Variants in ANKRD40 observed in about 807,000 individuals in gnomAD.
The protein encoded by ANKRD40 is ankyrin repeat domain-containing protein 40.
A neutral mutation model predicts 35.5 loss-of-function variants in ANKRD40; 24 were observed. That is an observed-to-expected ratio of 0.68 (90% CI 0.49 to 0.95). The LOEUF is 0.95. Ranked by LOEUF, ANKRD40 falls within the 40% of genes least tolerant of loss-of-function variation. ANKRD40 has a pLI of 0.00. For synonymous variants in ANKRD40, 147 were observed against 173.5 expected (o/e 0.85, Z 1.20); for missense variants, 361 against 436.0 (o/e 0.83, Z 1.53).
Position 50,707,681 on chromosome 17 carries a change from A to AGGCCCGCCTGCCCC in ANKRD40, c.-41_-28dup. On this transcript the variant is annotated 5_prime_UTR_variant, in exon 1 of 5. Coordinates refer to ENST00000285243, the MANE Select transcript of ANKRD40 (RefSeq NM_052855.4). This position sits in a 1 kb window ranked among gnomAD's most constrained non-coding sequence, Gnocchi z 4.8. Reference sequence around the variant, plus strand: ...TTCCCACAGCCCCAGGCCCCCGCCCAGGCCCGCCTGCCCCGCCCCGCCCGG... The same window carrying AGGCCCGCCTGCCCC: ...TTCCCACAGCCCCAGGCCCCCGCCCAGGCCCGCCTGCCCCGGCCCGCCTGCCCCGCCCCGCCCGG... 7.0e-7 allele frequency: 1 copy of AGGCCCGCCTGCCCC among 1,432,624 alleles called. No individual in the cohort carries two copies. Among genetic ancestry groups the AGGCCCGCCTGCCCC allele is most frequent in the East Asian group, 2.9e-5 (1 of 33,950 alleles). 88.7% of individuals were successfully genotyped at this position (1,432,624 alleles called of 1,614,324 possible). A position where few individuals can be genotyped will look rare whatever the true frequency, so the allele number is the denominator to read the frequency against.
rs753958189 is a variant in ANKRD40 at position 50,696,993 on chromosome 17, T to C, written c.907A>G (p.Asn303Asp). The C allele has an allele frequency of 1.2e-6, 2 of 1,613,932 alleles. No homozygotes were observed. The highest frequency in any genetic ancestry group is 2.2e-5 in the East Asian group (1 of 44,888). The change falls in exon 4 of 5, where the codon AAT becomes GAT. Residue 303 changes from asparagine (N) to aspartate (D), a missense_variant. Physicochemically the swap from Asn to Asp is conservative, Grantham distance 23 (BLOSUM62 1). Transcript: ENST00000285243. ...CTGATCTTCTCCACTTGATCTGGAT[T>C]AACACCCAGCTCACAGCAACACACT... is the stretch of plus-strand genomic sequence containing the variant. ...LRVCCCELGV[N>D]PDQVEKIRKL...
At chr17:50,701,991 G>T (rs1195346359) in intron 1 of ANKRD40, among the ~76,000 whole-genome samples, 1 of 152,210 alleles carries the variant, frequency 6.6e-6, no homozygotes, top group Non-Finnish European at 1.5e-5. Flanking sequence ...ATTCCATGAT[G>T]CAATGACAAA....
At chr17:50,699,292 G>A in intron 3 of ANKRD40, 107 bp downstream of exon 3, 1 of 1,427,322 alleles carries the variant, frequency 7.0e-7, no homozygotes, top group Non-Finnish European at 9.5e-7. Context: ...TGTTAGTCAT[G>A]TAACGTTTCT....
In ANKRD40 at chr17:50,695,221, T is replaced by TG. The variant is rs1968184475; in HGVS notation, c.*775dup. ...CCTGTCTCTATGGGCGGGGTGGGGG[T>TG]GGGGGGCATTGTAAAAAAGCAGTTG... is the stretch of plus-strand genomic sequence containing the variant. On this transcript the variant is annotated 3_prime_UTR_variant, in exon 5 of 5. Transcript: ENST00000285243. 1.8e-5 allele frequency: 1 copy of TG among 56,312 alleles called. No individual in the cohort carries two copies. Among genetic ancestry groups the TG allele is most frequent in the Non-Finnish European group, 3.6e-5 (1 of 27,430 alleles). 3.5% of individuals were successfully genotyped at this position (56,312 alleles called of 1,614,324 possible). A position where few individuals can be genotyped will look rare whatever the true frequency, so the allele number is the denominator to read the frequency against.
chr17:50,696,302 A>G (rs944969678), intron 4 of ANKRD40, among the ~76,000 whole-genome samples, 159 bp from the exon 5 acceptor site: 9 of 152,186 alleles, frequency 5.9e-5, no homozygotes, highest in African/African-American at 2.2e-4. Context: ...CTAAGGCCCC[A>G]GGATGATTGG....
chr17:50,696,141 G>A lies in ANKRD40; in HGVS notation c.963C>T (p.Asp321=). The A allele has an allele frequency of 3.1e-6, 5 of 1,613,316 alleles. No individual in the cohort carries two copies. The highest frequency in any genetic ancestry group is 2.5e-6 in the Non-Finnish European group (3 of 1,179,722). The change falls in exon 5 of 5, where the codon GAC becomes GAT. Residue 321 remains aspartate, a splice_region_variant and synonymous_variant. Coordinates refer to ENST00000285243, the MANE Select transcript of ANKRD40 (RefSeq NM_052855.4). ...AATCTTGGAGTCGAGCAACATCCTT[G>A]TCCTAAAACAAAAATATGTTAAACA... ...RKLPNTLLRK[D]KDVARLQDFQ...
chr17:50,695,965 C>T lies in ANKRD40; in HGVS notation c.*32G>A. ...TTGGCCCAGAGGTGATGCACACTGT[C>T]ATAATACTCAGTGATAAAAGTCCCT... is the stretch of plus-strand genomic sequence containing the variant. On this transcript the variant is annotated 3_prime_UTR_variant, in exon 5 of 5. Coordinates refer to ENST00000285243, the MANE Select transcript of ANKRD40 (RefSeq NM_052855.4). The T allele has an allele frequency of 1.2e-6, 2 of 1,612,530 alleles. No individual in the cohort carries two copies. The highest frequency in any genetic ancestry group is 2.2e-5 in the East Asian group (1 of 44,886).
intron 1 of ANKRD40, among the ~76,000 whole-genome samples, chr17:50,702,640 A>C (rs77392596): frequency 6.6e-6 from 1 of 152,236 alleles, no homozygotes; most frequent in South Asian, 2.1e-4. Flanking sequence ...ACTTGCTAGT[A>C]GTAGATCACT....
Position 50,699,716 on chromosome 17 carries a change from G to A in ANKRD40, c.461C>T (p.Ser154Leu), listed in dbSNP as rs564401651. ...QNGGPSTPPA[S>L]PPADGSPPLL... ...TGGAGGTGAGCCATCTGCAGGGGGTGATGCAGGGGGTGTGGAGGGGCCCCC... is the reference window on the plus strand; with the variant it reads ...TGGAGGTGAGCCATCTGCAGGGGGTAATGCAGGGGGTGTGGAGGGGCCCCC... The change falls in exon 3 of 5, where the codon TCA becomes TTA. Residue 154 changes from serine (S) to leucine (L), a missense_variant. By Grantham distance (145) the Ser-to-Leu change is moderately radical. Transcript: ENST00000285243. 104 of 1,613,404 alleles carry A rather than the reference G, an allele frequency of 6.4e-5. No individual in the cohort carries two copies. Among genetic ancestry groups the A allele is most frequent in the Non-Finnish European group, 7.0e-5 (83 of 1,179,520 alleles).
At chr17:50,700,985 G>C in intron 1 of ANKRD40, 1 of 318,784 alleles carries the variant, frequency 3.1e-6, no homozygotes, top group East Asian at 6.0e-5. Flanking sequence ...AAGCTCACTG[G>C]CTGGCTAACT....
chr17:50,697,149 A>C, intron 3 of ANKRD40, 28 bp from the exon 4 acceptor site: 1 of 1,592,156 alleles, frequency 6.3e-7, no homozygotes, highest in Non-Finnish European at 8.6e-7. Flanking sequence ...AATGTTAATG[A>C]ATAGTTCTGG....
At chr17:50,696,794 T>C in intron 4 of ANKRD40, 146 bp downstream of exon 4, 1 of 765,498 alleles carries the variant, frequency 1.3e-6, no homozygotes, top group African/African-American at 1.8e-5. Context: ...ATAGACTCAG[T>C]AGAAGGAAAT....
chr17:50,699,355 A>G (rs758493132), intron 3 of ANKRD40, 44 bp downstream of exon 3: 1 of 1,594,782 alleles, frequency 6.3e-7, no homozygotes, highest in Non-Finnish European at 8.6e-7. Flanking sequence ...CCCTCTGGAC[A>G]CCAACTCCCC....
rs749647375 is a variant in ANKRD40 at position 50,707,507 on chromosome 17, C to T, written c.134+14G>A. The T allele has an allele frequency of 1.7e-5, 28 of 1,603,272 alleles. No individual in the cohort carries two copies. Among genetic ancestry groups the T allele is most frequent in the Non-Finnish European group, 6.0e-6 (7 of 1,174,780 alleles). ...GGCTGCCCTGACCCTAGGCCTCCCC[C>T]GCTCCCCACTTACCAGCCGTTGACC... On this transcript the variant is annotated intron_variant, in intron 1 of 4. Transcript: ENST00000285243. The surrounding 1 kb of genome is among the most constrained non-coding windows in gnomAD (Gnocchi z 4.8).
At position 50,699,870 on chromosome 17, in the gene ANKRD40, C is replaced by A. The variant is rs778789385; in HGVS notation, c.307G>T (p.Asp103Tyr). The A allele has an allele frequency of 4.0e-6, 6 of 1,512,004 alleles. No homozygotes were observed. Among genetic ancestry groups the A allele is most frequent in the Non-Finnish European group, 8.8e-7 (1 of 1,130,980 alleles). 93.7% of individuals were successfully genotyped at this position (1,512,004 alleles called of 1,614,324 possible). ...AGCTGGGGGAGGTTGTCATCATCAT[C>A]ATCATCATCATCTTCTTCTTCCACT... ...MGVEEEDDDD[D>Y]DDDNLPQLKK... Residue 103 changes from aspartate (D) to tyrosine (Y), a missense_variant, in exon 3 of 5, where the codon GAT (aspartate) becomes TAT (tyrosine). Physicochemically the swap from Asp to Tyr is radical, Grantham distance 160. Transcript: ENST00000285243.
intron 1 of ANKRD40, among the ~76,000 whole-genome samples, chr17:50,704,156 G>A (rs1968302025): frequency 6.6e-6 from 1 of 151,940 alleles, no homozygotes; most frequent in South Asian, 2.1e-4. Flanking sequence ...AGGGATGAGG[G>A]GAGACTTGGA....
chr17:50,701,375 C>T (rs578094852), intron 1 of ANKRD40, among the ~76,000 whole-genome samples: 4 of 152,352 alleles, frequency 2.6e-5, no homozygotes, highest in African/African-American at 9.6e-5. Context: ...TGCACACATA[C>T]TTTAATTCCT....
At position 50,697,091 on chromosome 17, in the gene ANKRD40, G is replaced by A. The variant is rs1295183995; in HGVS notation, c.809C>T (p.Pro270Leu). Residue 270 changes from proline to leucine, a missense_variant, in exon 4 of 5, where the codon CCA becomes CTA. Transcript: ENST00000285243. ...AATGAAATCATTTTCTCGAAGAGAT[G>A]GGTTCTGAATTCTCACCTTGAGTAC... ...ELVLKVRIQN[P>L]SLRENDFIEI... 6.2e-7 allele frequency: 1 copy of A among 1,613,492 alleles called. No homozygotes were observed.
intron 4 of ANKRD40, 119 bp downstream of exon 4, chr17:50,696,821 T>C (rs1232556933): frequency 5.5e-6 from 5 of 914,646 alleles, no homozygotes; most frequent in Non-Finnish European, 7.7e-6. Flanking sequence ...ATTTGGAAAA[T>C]CACTCTTTGC....
Sources: gnomAD v4.1 joint callset for allele counts (sites outside exome capture counted in the v4.1 genomes callset) on GRCh38, gnomAD v4.1.1 for gene constraint, Gnocchi (gnomAD v3.1) non-coding constraint, MANE v1.5 for transcripts, NCBI Gene and HGNC (gene_info 2026-07-23, HGNC 2026-07-21) for gene names.